The following SBF2 variants were observed in gnomAD, a reference collection of about 807,000 sequenced individuals.
The protein encoded by SBF2 is myotubularin-related protein 13.
A neutral mutation model predicts 225.2 loss-of-function variants in SBF2; 112 were observed. The ratio of observed to expected loss-of-function variants is 0.50; its 90% confidence interval spans 0.43 to 0.58. The LOEUF is 0.58. Among genes scored for constraint, SBF2 ranks in the 20% least tolerant of loss-of-function variants. The pLI is 0.00. For synonymous variants in SBF2, 763 were observed against 773.3 expected (o/e 0.99, Z 0.22); for missense variants, 1,996 against 2,206.2 (o/e 0.90, Z 1.91).
At chr11:10,062,065 T>G (rs1209418894) in intron 2 of SBF2, among the ~76,000 whole-genome samples, 2 of 152,152 alleles carry the variant, frequency 1.3e-5, no homozygotes, top group African/African-American at 4.8e-5. Flanking sequence ...CATCTGATCT[T>G]TGACAACGCT....
intron 17 of SBF2, among the ~76,000 whole-genome samples, chr11:9,867,847 C>T (rs768255763): frequency 5.9e-5 from 9 of 152,006 alleles, no homozygotes; most frequent in Non-Finnish European, 1.2e-4. Context: ...GATGATGGTT[C>T]CAAGAAGCTG....
intron 29 of SBF2, among the ~76,000 whole-genome samples, chr11:9,816,316 T>C (rs966214504): frequency 2.0e-5 from 3 of 152,180 alleles, no homozygotes; most frequent in African/African-American, 4.8e-5. Flanking sequence ...TCTTAGGACA[T>C]GTGTCTCTTT....
chr11:10,115,372 C>A (rs1357493531), intron 2 of SBF2, among the ~76,000 whole-genome samples: 1 of 152,070 alleles, frequency 6.6e-6, no homozygotes, highest in Non-Finnish European at 1.5e-5. Flanking sequence ...TTTACATAAT[C>A]CTTTAAGTAA....
chr11:9,929,250 G>A (rs900914048), intron 16 of SBF2: 19 of 184,452 alleles, frequency 1.0e-4, no homozygotes, highest in Middle Eastern at 7.8e-4. Context: ...GATGCCTCAT[G>A]AGCTGAACCA....
At chr11:10,021,905 ATCTT>A (rs2134599639) in intron 6 of SBF2, among the ~76,000 whole-genome samples, 1 of 152,328 alleles carries the variant, frequency 6.6e-6, no homozygotes, top group South Asian at 2.1e-4. Context: ...ACTGCACTGC[ATCTT>A]TCTTTCTGCT....
At chr11:10,047,966 C>A (rs967608113) in intron 2 of SBF2, among the ~76,000 whole-genome samples, 1 of 152,092 alleles carries the variant, frequency 6.6e-6, no homozygotes, top group African/African-American at 2.4e-5. Flanking sequence ...ACTCCAAAAC[C>A]ATCTTTATTA....
rs531169490 is a variant in SBF2, at chr11:10,200,878, C to T, written c.56-6891G>A. Among the ~76,000 whole-genome samples, 8 of 151,860 alleles carry T rather than the reference C, an allele frequency of 5.3e-5. No individual in the cohort carries two copies. The East Asian group carries it at 5.8e-4, about 11-fold the overall frequency. On this transcript the variant is annotated intron_variant, in intron 1 of 39. Coordinates refer to ENST00000256190, the MANE Select transcript of SBF2 (RefSeq NM_030962.4). ...AGGAGTTCCTCCAGAAAATATTTCC[C>T]GAAAAAAAATTCATCAATATTGGCA...
At chr11:10,113,757 AAAT>A (rs1952992250) in intron 2 of SBF2, among the ~76,000 whole-genome samples, 1 of 151,970 alleles carries the variant, frequency 6.6e-6, no homozygotes, top group African/African-American at 2.4e-5. Context: ...GAAAATTCAC[AAAT>A]AAAATGTATG....
chr11:9,825,066 T>C (rs1372883931), intron 28 of SBF2, among the ~76,000 whole-genome samples: 1 of 151,910 alleles, frequency 6.6e-6, no homozygotes, highest in South Asian at 2.1e-4. Context: ...CTGTAATGGG[T>C]TGAAATGTGT....
At chr11:9,786,074 G>C (rs1376834096) in intron 36 of SBF2, among the ~76,000 whole-genome samples, 1 of 152,044 alleles carries the variant, frequency 6.6e-6, no homozygotes, top group Non-Finnish European at 1.5e-5. Flanking sequence ...CACCATGCTG[G>C]CTATGCTGGT....
chr11:10,181,938 C>A (rs1464192330), intron 2 of SBF2, among the ~76,000 whole-genome samples: 1 of 152,126 alleles, frequency 6.6e-6, no homozygotes, highest in Non-Finnish European at 1.5e-5. Context: ...GTAACTCTCA[C>A]CCTAAAATTT....
chr11:10,089,376 C>T (rs1404037881), intron 2 of SBF2, among the ~76,000 whole-genome samples: 2 of 152,186 alleles, frequency 1.3e-5, no homozygotes, highest in African/African-American at 2.4e-5. Context: ...GCCTAAACAA[C>T]CTACATGCCA....
chr11:10,277,922 T>A (rs1188872073), intron 1 of SBF2, among the ~76,000 whole-genome samples: 4 of 152,212 alleles, frequency 2.6e-5, no homozygotes, highest in African/African-American at 9.7e-5. Context: ...AGAATGGTGT[T>A]TGTTTTAAAT....
At chr11:10,145,383 T>C (rs947150172) in intron 2 of SBF2, among the ~76,000 whole-genome samples, 1 of 152,128 alleles carries the variant, frequency 6.6e-6, no homozygotes, top group Non-Finnish European at 1.5e-5. Flanking sequence ...TCTGGATCAT[T>C]ATTTATGACC....
intron 16 of SBF2, among the ~76,000 whole-genome samples, chr11:9,941,673 A>T (rs1480258824): frequency 6.6e-6 from 1 of 152,236 alleles, no homozygotes; most frequent in Non-Finnish European, 1.5e-5. Context: ...ACCTGATAGC[A>T]AATATCTACC....
intron 22 of SBF2, among the ~76,000 whole-genome samples, chr11:9,847,488 T>C (rs1856629910): frequency 7.1e-6 from 1 of 141,620 alleles, no homozygotes; most frequent in Non-Finnish European, 1.5e-5. Context: ...TCACCTGGTT[T>C]AAGGCAATTT....
chr11:9,908,783 G>C (rs1862333696), intron 16 of SBF2, among the ~76,000 whole-genome samples: 1 of 151,750 alleles, frequency 6.6e-6, no homozygotes, highest in African/African-American at 2.4e-5. Flanking sequence ...CTGTAGCCTT[G>C]ACCTCCCGAG....
At chr11:9,973,342 T>G (rs1274581227) in intron 13 of SBF2, among the ~76,000 whole-genome samples, 3 of 152,206 alleles carry the variant, frequency 2.0e-5, no homozygotes, top group African/African-American at 7.2e-5. Flanking sequence ...ATCCGTTATT[T>G]TCCGACAGTA....
chr11:10,003,719 T>C lies in SBF2; in HGVS notation c.620-1030A>G, dbSNP rs1330871568. Among the ~76,000 whole-genome samples the C allele has an allele frequency of 3.3e-5, 5 of 152,054 alleles. No individual in the cohort carries two copies. In the South Asian group the frequency reaches 6.2e-4, roughly 19 times the overall value. The stretch of plus-strand genomic sequence containing the variant: ...TTTTCCTTCTTTTCAATTTCTCCTG[T>C]CTCTTCTTTCATCCCCTCTGTTAGT... On this transcript the variant is annotated intron_variant, in intron 6 of 39. Coordinates refer to ENST00000256190, the MANE Select transcript of SBF2 (RefSeq NM_030962.4).
Sources: gnomAD v4.1 joint callset for allele counts (sites outside exome capture counted in the v4.1 genomes callset) on GRCh38, gnomAD v4.1.1 for gene constraint, MANE v1.5 for transcripts, NCBI Gene and HGNC (gene_info 2026-07-23, HGNC 2026-07-21) for gene names.